Variants in RSF1 observed in about 807,000 individuals in gnomAD.
RSF1 encodes the protein HBV pX-associated protein 8.
In RSF1, 13 loss-of-function variants were observed where a neutral mutation model predicts 145.2. That is an observed-to-expected ratio of 0.09 (90% CI 0.06 to 0.14). RSF1 has a LOEUF of 0.14. RSF1 is among the 10% of genes least tolerant of loss of function. The pLI is 1.00. For synonymous variants in RSF1, 577 were observed against 592.6 expected, an observed-to-expected ratio of 0.97 and a Z score of 0.38; for missense variants, 1,517 against 1,718.2, an observed-to-expected ratio of 0.88 and a Z score of 2.07.
At chr11:77,859,600 G>A in the RSF1 span, among the ~76,000 whole-genome samples, 1 of 152,186 alleles carries the variant, frequency 6.6e-6, no homozygotes, top group Admixed American at 6.5e-5. Context: ...CCTGGAGTGA[G>A]GGGATTACTT....
At position 77,742,536 on chromosome 11, in the gene RSF1, C is replaced by T. The variant is rs184660722; in HGVS notation, c.373-1600G>A. 4.0e-3 allele frequency among the ~76,000 whole-genome samples: 607 copies of T among 152,156 alleles called. 2 individuals carry two copies. Among genetic ancestry groups the T allele is most frequent in the Non-Finnish European group, 3.9e-3 (266 of 68,002 alleles). ...CTCGTGATCCGCCTGCCTTGGCCTC[C>T]CAAAGTGCTGGGATTACAGGCATGA... On this transcript the variant is annotated intron_variant, in intron 3 of 15. Coordinates refer to ENST00000308488, the MANE Select transcript of RSF1 (RefSeq NM_016578.4).
chr11:77,805,317 A>G (rs1391195485), intron 1 of RSF1, among the ~76,000 whole-genome samples: 1 of 151,856 alleles, frequency 6.6e-6, no homozygotes, highest in African/African-American at 2.4e-5. Context: ...AAAATACAAA[A>G]CTTAGCCAGG....
At chr11:77,826,181 G>A in the RSF1 span, among the ~76,000 whole-genome samples, 4 of 152,066 alleles carry the variant, frequency 2.6e-5, no homozygotes, top group African/African-American at 9.7e-5. Flanking sequence ...GGTCAACATG[G>A]TGAAACTTCG....
chr11:77,778,168 A>G (rs1590881324), intron 1 of RSF1, among the ~76,000 whole-genome samples: 3 of 23,866 alleles, frequency 1.3e-4, no homozygotes, highest in Non-Finnish European at 2.4e-4. Flanking sequence ...GGGGGAATGG[A>G]GGGGGAGTGG....
chr11:77,700,568 ATAAG>A (rs1960393792), intron 6 of RSF1, among the ~76,000 whole-genome samples, 149 bp downstream of exon 6: 2 of 152,144 alleles, frequency 1.3e-5, no homozygotes, highest in South Asian at 2.1e-4. Flanking sequence ...AGTATAGAGT[ATAAG>A]TAAGAGTATA....
intron 5 of RSF1, among the ~76,000 whole-genome samples, chr11:77,715,709 A>C (rs931282212): frequency 6.6e-6 from 1 of 152,160 alleles, no homozygotes; most frequent in Non-Finnish European, 1.5e-5. Flanking sequence ...CAGCCTCCCA[A>C]AGTGTTGGGA....
At chr11:77,723,032 T>C (rs1005510696) in intron 5 of RSF1, among the ~76,000 whole-genome samples, 4 of 152,198 alleles carry the variant, frequency 2.6e-5, no homozygotes, top group Non-Finnish European at 5.9e-5. Flanking sequence ...TTTAATTGTG[T>C]ATGGGAATAA....
At chr11:77,762,030 T>TC (rs1554994590) in intron 2 of RSF1, 1 of 99,086 alleles carries the variant, frequency 1.0e-5, no homozygotes, top group Non-Finnish European at 2.2e-5. Context: ...TTCTTTTCTT[T>TC]TTTTTTTTTT....
chr11:77,730,769 T>C (rs1474425473), intron 4 of RSF1, among the ~76,000 whole-genome samples: 2 of 151,930 alleles, frequency 1.3e-5, no homozygotes, highest in Non-Finnish European at 2.9e-5. Context: ...AAAACAGGAG[T>C]TTCCTGCACA....
At chr11:77,792,533 C>T (rs561480955) in intron 1 of RSF1, among the ~76,000 whole-genome samples, 4 of 152,224 alleles carry the variant, frequency 2.6e-5, no homozygotes, top group South Asian at 4.1e-4. Context: ...AGAAGACTAG[C>T]CCAGCTAGCA....
chr11:77,704,262 T>G (rs1960491225), intron 5 of RSF1, among the ~76,000 whole-genome samples: 1 of 152,144 alleles, frequency 6.6e-6, no homozygotes. Flanking sequence ...TGCCACCACA[T>G]TCCAGCCTGG....
intron 2 of RSF1, among the ~76,000 whole-genome samples, chr11:77,750,617 C>T (rs1051409187): frequency 2.6e-5 from 4 of 152,136 alleles, no homozygotes; most frequent in African/African-American, 9.7e-5. Context: ...CTGTCTATAA[C>T]GGTGAATTCT....
At chr11:77,856,522 A>G in the RSF1 span, among the ~76,000 whole-genome samples, 1 of 152,078 alleles carries the variant, frequency 6.6e-6, no homozygotes, top group African/African-American at 2.4e-5. Context: ...TTGCATTGCT[A>G]TAAAGAGCTA....
chr11:77,783,533 T>A (rs1253075842), intron 1 of RSF1, among the ~76,000 whole-genome samples: 1 of 152,174 alleles, frequency 6.6e-6, no homozygotes, highest in East Asian at 1.9e-4. Flanking sequence ...ATACCTTTCA[T>A]TTAGTACTTT....
chr11:77,775,280 A>G (rs1337254126), intron 1 of RSF1, among the ~76,000 whole-genome samples: 1 of 151,706 alleles, frequency 6.6e-6, no homozygotes, highest in Admixed American at 6.6e-5. Flanking sequence ...CACAAACTGA[A>G]GAGAGTTCCC....
chr11:77,690,488 C>T (rs1221141346), intron 9 of RSF1, among the ~76,000 whole-genome samples: 1 of 152,162 alleles, frequency 6.6e-6, no homozygotes, highest in Non-Finnish European at 1.5e-5. Flanking sequence ...CAGAGTCTCA[C>T]TCTTGCCCAG....
chr11:77,795,563 A>G (rs1948564263), intron 1 of RSF1, among the ~76,000 whole-genome samples: 1 of 152,176 alleles, frequency 6.6e-6, no homozygotes, highest in African/African-American at 2.4e-5. Flanking sequence ...AGAAATAAAT[A>G]TATTTACCAG....
chr11:77,835,932 A>G, the RSF1 span, among the ~76,000 whole-genome samples: 1 of 152,226 alleles, frequency 6.6e-6, no homozygotes, highest in African/African-American at 2.4e-5. Flanking sequence ...AAATAATAAT[A>G]AAAATAAAGT....
intron 4 of RSF1, among the ~76,000 whole-genome samples, chr11:77,726,433 T>C (rs1407676967): frequency 1.3e-5 from 2 of 152,178 alleles, no homozygotes; most frequent in Non-Finnish European, 2.9e-5. Flanking sequence ...CCCAAGTAGC[T>C]AGGACTACAG....
Sources: allele counts gnomAD v4.1 joint callset (sites outside exome capture counted in the v4.1 genomes callset), GRCh38; gene constraint gnomAD v4.1.1; transcripts MANE v1.5; gene names NCBI Gene and HGNC (gene_info 2026-07-23, HGNC 2026-07-21).